SCML4: variants seen among roughly 807,000 people sequenced by gnomAD.
SCML4 encodes the protein Scm polycomb group protein like 4, also known as sex comb on midleg-like protein 4.
Under a neutral mutation model 41.1 loss-of-function variants are expected in SCML4, and 34 were observed. The observed-to-expected ratio is 0.83, with a 90% CI of 0.63 to 1.10. The LOEUF (loss-of-function observed/expected upper bound fraction) is 1.10. Among genes scored for constraint, SCML4 ranks in the 50% least tolerant of loss-of-function variants. SCML4 has a pLI of 0.00. For missense variants in SCML4, 522 were observed against 534.1 expected, an observed-to-expected ratio of 0.98 and a Z score of 0.22; for synonymous variants, 214 against 220.9, an observed-to-expected ratio of 0.97 and a Z score of 0.28.
intron 1 of SCML4, among the ~76,000 whole-genome samples, chr6:107,811,771 G>T (rs891249438): frequency 6.6e-6 from 1 of 152,208 alleles, no homozygotes; most frequent in East Asian, 1.9e-4. Flanking sequence ...CAGTGGGGAA[G>T]TGAAATTGAT....
intron 1 of SCML4, among the ~76,000 whole-genome samples, chr6:107,808,043 G>C (rs1243652558): frequency 2.0e-5 from 3 of 152,074 alleles, no homozygotes; most frequent in Non-Finnish European, 4.4e-5. Flanking sequence ...TTGATATTAG[G>C]AATTGAGTTG....
At position 107,746,856 on chromosome 6, in the gene SCML4, C is replaced by G. The variant is rs1236429315; in HGVS notation, c.320G>C (p.Gly107Ala). 3.7e-6 allele frequency: 6 copies of G among 1,613,624 alleles called. No homozygotes were observed. Among genetic ancestry groups the G allele is most frequent in the Non-Finnish European group, 5.1e-6 (6 of 1,179,826 alleles). The change falls in exon 4 of 8, where the codon GGG (glycine) becomes GCG (alanine). Residue 107 changes from glycine to alanine, a missense_variant. By Grantham distance (60) the Gly-to-Ala change is moderately conservative (BLOSUM62 0). Coordinates refer to ENST00000369020, the MANE Select transcript of SCML4 (RefSeq NM_198081.5). ...CACCTTCTTCCTCTCCAGATAGGGC[C>G]CCGCATTGGCCTGCTTGTTGATGTA... ...CLYINKQANAGPYLERKKVQQ... is the reference protein window; with the variant it reads ...CLYINKQANAAPYLERKKVQQ...
intron 1 of SCML4, among the ~76,000 whole-genome samples, chr6:107,804,049 C>CA (rs1206492732): frequency 0.011 from 877 of 79,312 alleles, 5 homozygotes; most frequent in African/African-American, 0.029. Flanking sequence ...TGATCAATAA[C>CA]AAAAAAAAAA....
rs1032070238 is a variant in SCML4 at position 107,812,965 on chromosome 6, G to A, written c.-60+11161C>T. 4.6e-5 allele frequency among the ~76,000 whole-genome samples: 7 copies of A among 151,014 alleles called. No homozygotes were observed. The East Asian group carries it at 7.8e-4, about 17-fold the overall frequency. ...GAGAACCCTAACTAGTACACCTCCT[G>A]CATTCCTAATATTTACTAAATCTTT... is the stretch of plus-strand genomic sequence containing the variant. On this transcript the variant is annotated intron_variant, in intron 1 of 7. Transcript: ENST00000369020.
intron 1 of SCML4, among the ~76,000 whole-genome samples, chr6:107,807,356 T>C (rs908608121): frequency 6.6e-6 from 1 of 152,076 alleles, no homozygotes; most frequent in Non-Finnish European, 1.5e-5. Flanking sequence ...CTTAGAAATT[T>C]TGCACTCCCT....
chr6:107,724,954 A>AG (rs1775808015), intron 5 of SCML4, among the ~76,000 whole-genome samples: 1 of 152,254 alleles, frequency 6.6e-6, no homozygotes, highest in Non-Finnish European at 1.5e-5. Flanking sequence ...AAAGACAAAT[A>AG]TCACATGTTC....
chr6:107,734,072 T>TA (rs1736391174), intron 5 of SCML4, among the ~76,000 whole-genome samples: 1 of 152,092 alleles, frequency 6.6e-6, no homozygotes, highest in South Asian at 2.1e-4. Context: ...AGGGTAGAGG[T>TA]AGGGGTGTCT....
At chr6:107,797,244 T>C (rs1782778951) in intron 1 of SCML4, among the ~76,000 whole-genome samples, 1 of 152,152 alleles carries the variant, frequency 6.6e-6, no homozygotes, top group South Asian at 2.1e-4. Context: ...TTTAACAATA[T>C]TGAGTCTTAC....
intron 5 of SCML4, among the ~76,000 whole-genome samples, chr6:107,728,501 C>T (rs1776217116): frequency 6.6e-6 from 1 of 152,098 alleles, no homozygotes; most frequent in Admixed American, 6.5e-5. Context: ...CCCAGCTACT[C>T]AGGAGGCTGA....
chr6:107,814,800 C>A (rs1784445139), intron 1 of SCML4, among the ~76,000 whole-genome samples: 1 of 152,162 alleles, frequency 6.6e-6, no homozygotes, highest in African/African-American at 2.4e-5. Context: ...TGATCCACCG[C>A]CTTCGGCCTC....
intron 2 of SCML4, among the ~76,000 whole-genome samples, chr6:107,763,958 C>T (rs1393268461): frequency 6.6e-6 from 1 of 152,214 alleles, no homozygotes; most frequent in East Asian, 1.9e-4. Context: ...TGTCCATGTC[C>T]CTGCCCATAG....
chr6:107,826,393 T>A (rs1036084071), upstream of SCML4, among the ~76,000 whole-genome samples: 3 of 152,202 alleles, frequency 2.0e-5, no homozygotes, highest in Non-Finnish European at 4.4e-5. Flanking sequence ...GCGGTTATTA[T>A]ACTCACACCC....
At chr6:107,793,999 A>G (rs1782532716) in intron 1 of SCML4, among the ~76,000 whole-genome samples, 1 of 152,236 alleles carries the variant, frequency 6.6e-6, no homozygotes, top group Non-Finnish European at 1.5e-5. Flanking sequence ...GAAGGCCAGT[A>G]TAGAAAAAGA....
At chr6:107,805,598 A>G (rs549301951) in intron 1 of SCML4, among the ~76,000 whole-genome samples, 56 of 152,318 alleles carry the variant, frequency 3.7e-4, no homozygotes, top group African/African-American at 1.3e-3. Context: ...GTTACATGAA[A>G]GCTGTCAAAC....
intron 1 of SCML4, among the ~76,000 whole-genome samples, chr6:107,795,874 G>A (rs1017173719): frequency 4.6e-5 from 7 of 152,098 alleles, no homozygotes; most frequent in Non-Finnish European, 8.8e-5. Context: ...TCTTCCAACG[G>A]CAGATACTAT....
intron 3 of SCML4, among the ~76,000 whole-genome samples, chr6:107,749,380 C>T (rs1349519677): frequency 6.6e-6 from 1 of 151,956 alleles, no homozygotes; most frequent in Non-Finnish European, 1.5e-5. Context: ...TCAGCGCACC[C>T]CAGCTCCTAA....
chr6:107,723,140 A>G (rs1201237955), intron 5 of SCML4, among the ~76,000 whole-genome samples: 1 of 152,244 alleles, frequency 6.6e-6, no homozygotes, highest in African/African-American at 2.4e-5. Flanking sequence ...CCAACCTTAC[A>G]GAAATTGAAA....
chr6:107,776,990 CAT>C (rs1397904500), intron 1 of SCML4, among the ~76,000 whole-genome samples: 1 of 152,188 alleles, frequency 6.6e-6, no homozygotes, highest in Non-Finnish European at 1.5e-5. Flanking sequence ...TAAATCTGCA[CAT>C]GTTTAAGCAT....
the SCML4 span, among the ~76,000 whole-genome samples, chr6:107,830,219 C>T: frequency 6.7e-6 from 1 of 148,168 alleles, no homozygotes; most frequent in Non-Finnish European, 1.5e-5. Flanking sequence ...AAGTAAAAAA[C>T]ACTCTCATCC....
Sources: allele counts gnomAD v4.1 joint callset (sites outside exome capture counted in the v4.1 genomes callset), GRCh38; gene constraint gnomAD v4.1.1; transcripts MANE v1.5; gene names NCBI Gene and HGNC (gene_info 2026-07-23, HGNC 2026-07-21).